Variants in AHNAK2 observed in about 807,000 individuals in gnomAD.
The protein encoded by AHNAK2 is AHNAK nucleoprotein 2, also known as protein AHNAK2.
Under a neutral mutation model 30.7 loss-of-function variants are expected in AHNAK2, and 18 were observed. The ratio of observed to expected loss-of-function variants is 0.59; its 90% CI spans 0.41 to 0.87. The LOEUF is 0.87. Among genes scored for constraint, AHNAK2 ranks in the 40% least tolerant of loss-of-function variants. The pLI is 0.00. For missense variants in AHNAK2, 8,604 were observed against 7,373.0 expected (o/e 1.17, Z -6.11); for synonymous variants, 3,590 against 3,073.8 (o/e 1.17, Z -5.56).
rs371953935 is a variant in AHNAK2 at position 104,941,201 on chromosome 14, C to T, written c.14250G>A (p.Ser4750=). 60 of 1,613,406 alleles carry T rather than the reference C, an allele frequency of 3.7e-5. No homozygotes were observed. In the South Asian group the frequency reaches 4.4e-4, roughly 12 times the overall value. The change falls in exon 7 of 7, where the codon TCG becomes TCA. Residue 4750 remains serine, a synonymous_variant. Transcript: ENST00000333244. The stretch of plus-strand genomic sequence containing the variant: ...TCTGCATGGATGGCTCTGAACAAGC[C>T]GAAACCTGTTGTAATTCAAAACTTG... ...ECSSFELQQV[S]ACSEPSMQMP... is the part of the protein sequence containing the mutation.
At chr14:104,958,687 C>T (rs1242696661) in intron 1 of AHNAK2, among the ~76,000 whole-genome samples, 1 of 151,994 alleles carries the variant, frequency 6.6e-6, no homozygotes, top group African/African-American at 2.4e-5. Context: ...ATTTGAAGAA[C>T]GGGGTCAGGG....
chr14:104,943,033 T>C lies in AHNAK2; in HGVS notation c.12418A>G (p.Met4140Val). 6.2e-7 allele frequency: 1 copy of C among 1,612,622 alleles called. No homozygotes were observed. Among genetic ancestry groups the C allele is most frequent in the Non-Finnish European group, 8.5e-7 (1 of 1,179,372 alleles). Residue 4140 changes from methionine (M) to valine (V), a missense_variant, in exon 7 of 7, where the codon ATG becomes GTG. Physicochemically the swap from Met to Val is conservative, Grantham distance 21. Transcript: ENST00000333244. ...GGGGCCGACACCCCGAATGATGGCA[T>C]CTTGAACTTGGGCATTTTGAACTTG... ...DSKFKMPKFK[M>V]PSFGVSAPGK...
In AHNAK2 at chr14:104,945,572, G is replaced by A. The variant is rs753392912; in HGVS notation, c.9879C>T (p.Asp3293=). The part of the protein sequence containing the change: ...AKLDGARLEG[D]LSLADKDVTA... ...TCACATCCTTGTCGGCCAGGGACAG[G>A]TCCCCCTCCAGCCGTGCACCATCCA... Residue 3293 remains aspartate (D), a synonymous_variant, in exon 7 of 7, where the codon GAC becomes GAT. Transcript: ENST00000333244. The A allele has an allele frequency of 5.0e-6, 8 of 1,609,588 alleles. No individual in the cohort carries two copies. In the Admixed American group the frequency reaches 1.3e-4, roughly 27 times the overall value.
rs778830284 is a variant in AHNAK2 at position 104,941,484 on chromosome 14, A to T, written c.13967T>A (p.Val4656Asp). 1.2e-6 allele frequency: 2 copies of T among 1,612,854 alleles called. No homozygotes were observed. The highest frequency in any genetic ancestry group is 2.7e-5 in the African/African-American group (2 of 74,930). The change falls in exon 7 of 7, where the codon GTT becomes GAT. Residue 4656 changes from valine to aspartate, a missense_variant. Coordinates refer to ENST00000333244, the MANE Select transcript of AHNAK2 (RefSeq NM_138420.4). ...SMSSSEIEGN[V>D]TFHEKTSTFP... is the part of the protein sequence containing the mutation. ...TGTGGAAGTCTTCTCATGGAATGTA[A>T]CATTTCCTTCGATTTCAGAGGAAGA...
Position 104,954,710 on chromosome 14 carries a change from C to T in AHNAK2, c.741G>A (p.Arg247=). 1 of 1,612,934 alleles carries T rather than the reference C, an allele frequency of 6.2e-7. No individual in the cohort carries two copies. The highest frequency in any genetic ancestry group is 8.5e-7 in the Non-Finnish European group (1 of 1,179,608). ...GDQERLISKP[R]VGRGRQSQRE... ...TCTGGCTCTGCCTGCCTCTCCCCAC[C>T]CTTGGTTTGGAGATGAGTCTCTCTT... is the stretch of plus-strand genomic sequence containing the variant. The change falls in exon 7 of 7, where the codon AGG becomes AGA. Residue 247 remains arginine, a synonymous_variant. Coordinates refer to ENST00000333244, the MANE Select transcript of AHNAK2 (RefSeq NM_138420.4). The surrounding 1 kb of genome is among the most constrained non-coding windows in gnomAD (Gnocchi z 4.3).
chr14:104,943,606 G>T lies in AHNAK2; in HGVS notation c.11845C>A (p.Arg3949=), dbSNP rs753027873. 1.2e-6 allele frequency: 2 copies of T among 1,612,918 alleles called. No individual in the cohort carries two copies. Among genetic ancestry groups the T allele is most frequent in the African/African-American group, 2.7e-5 (2 of 74,648 alleles). The change falls in exon 7 of 7, where the codon CGG becomes AGG. Residue 3949 remains arginine, a synonymous_variant. Coordinates refer to ENST00000333244, the MANE Select transcript of AHNAK2 (RefSeq NM_138420.4). ...GCCAGGGACAGGTCCCCCTCCAGCC[G>T]CGCACCATCCAGCTTGGCTCCTGGG... is the stretch of plus-strand genomic sequence containing the variant. ...EAPGAKLDGA[R]LEGDLSLADK... is the part of the protein sequence containing the mutation.
At chr14:104,965,417 A>G (rs567610255) in intron 1 of AHNAK2, among the ~76,000 whole-genome samples, 1,514 of 150,434 alleles carry the variant, frequency 0.01, 12 homozygotes, top group Non-Finnish European at 0.014. Flanking sequence ...AAAAAAAAAA[A>G]AAAAGAAAAG....
intron 1 of AHNAK2, among the ~76,000 whole-genome samples, chr14:104,959,515 T>C (rs1899077216): frequency 6.6e-6 from 1 of 152,132 alleles, no homozygotes; most frequent in African/African-American, 2.4e-5. Flanking sequence ...TGCATGCCTA[T>C]AGTCCCAGCT....
In AHNAK2 at chr14:104,943,004, G is replaced by T. The variant is rs780638014; in HGVS notation, c.12447C>A (p.Gly4149=). 6 of 1,613,228 alleles carry T rather than the reference G, an allele frequency of 3.7e-6. No homozygotes were observed. The East Asian group carries it at 1.1e-4, about 30-fold the overall frequency. ...KMPSFGVSAP[G]KSMEASVDVS... ...CATCCACGGACGCCTCCATGGACTT[G>T]CCTGGGGCCGACACCCCGAATGATG... is the stretch of plus-strand genomic sequence containing the variant. The change falls in exon 7 of 7, where the codon GGC becomes GGA. Residue 4149 remains glycine, a synonymous_variant. Coordinates refer to ENST00000333244, the MANE Select transcript of AHNAK2 (RefSeq NM_138420.4).
In AHNAK2 at chr14:104,945,692, C is replaced by T. The variant is rs775827164; in HGVS notation, c.9759G>A (p.Leu3253=). 1 of 1,600,286 alleles carries T rather than the reference C, an allele frequency of 6.2e-7. No individual in the cohort carries two copies. Among genetic ancestry groups the T allele is most frequent in the Non-Finnish European group, 8.5e-7 (1 of 1,171,976 alleles). The change falls in exon 7 of 7, where the codon CTG becomes CTA. Residue 3253 remains leucine, a synonymous_variant. Coordinates refer to ENST00000333244, the MANE Select transcript of AHNAK2 (RefSeq NM_138420.4). ...GPQIDIKGPK[L]DLKGPKMDVT... ...CATCCATCTTCGGGCCTTTCAGGTCCAGCTTGGGGCCCTTGATGTCTATCT... is the reference window on the plus strand; with the variant it reads ...CATCCATCTTCGGGCCTTTCAGGTCTAGCTTGGGGCCCTTGATGTCTATCT...
rs1455578565 is a variant in AHNAK2, at chr14:104,946,359, G to C, written c.9092C>G (p.Pro3031Arg). The change falls in exon 7 of 7, where the codon CCC becomes CGC. Residue 3031 changes from proline to arginine, a missense_variant. Pro to Arg is a moderately radical substitution (Grantham distance 103). Transcript: ENST00000333244. The part of the protein sequence containing the change: ...LKTTDISIEP[P>R]SAQLEVQAGQ... ...AGCCTGGACCTCCAGTTGGGCAGAG[G>C]GGGGCTCAATGCTGATGTCAGTGGT... The C allele has an allele frequency of 1.4e-5, 23 of 1,612,134 alleles. No homozygotes were observed. The highest frequency in any genetic ancestry group is 3.3e-5 in the South Asian group (3 of 90,976).
intron 1 of AHNAK2, among the ~76,000 whole-genome samples, chr14:104,957,954 T>C (rs1899029052): frequency 1.3e-5 from 2 of 152,182 alleles, no homozygotes; most frequent in African/African-American, 4.8e-5. Flanking sequence ...CGTTTGTTAT[T>C]GTATAACCAC....
chr14:104,944,283 T>C lies in AHNAK2; in HGVS notation c.11168A>G (p.Lys3723Arg), dbSNP rs781211455. Residue 3723 changes from lysine to arginine, a missense_variant, in exon 7 of 7, where the codon AAG becomes AGG. Lys to Arg is a conservative substitution (Grantham distance 26). Transcript: ENST00000333244. ...EGAGLKEHLP[K>R]VEMPSLKMPK... is the part of the protein sequence containing the mutation. Reference sequence around the variant, plus strand: ...CATCTTCAAACTGGGCATCTCCACCTTGGGCAGGTGCTCTTTGAGGCCGGC... The same window carrying C: ...CATCTTCAAACTGGGCATCTCCACCCTGGGCAGGTGCTCTTTGAGGCCGGC... The C allele has an allele frequency of 6.2e-7, 1 of 1,612,840 alleles. No individual in the cohort carries two copies. The highest frequency in any genetic ancestry group is 1.7e-5 in the Admixed American group (1 of 59,928).
intron 1 of AHNAK2, among the ~76,000 whole-genome samples, chr14:104,960,593 T>G (rs1423806190): frequency 6.6e-6 from 1 of 152,110 alleles, no homozygotes; most frequent in Admixed American, 6.5e-5. Context: ...GGACCAAAGT[T>G]TCTATAATTT....
At chr14:104,964,896 TAATA>T in intron 1 of AHNAK2, among the ~76,000 whole-genome samples, 1 of 152,228 alleles carries the variant, frequency 6.6e-6, no homozygotes, top group Non-Finnish European at 1.5e-5. Context: ...AACTTTACAC[TAATA>T]AATCTGAAAA....
In AHNAK2 at chr14:104,966,306, T is replaced by A. The variant is rs1595431649; in HGVS notation, c.56-8634A>T. ...CCCCCAGCAGAGCCACAACCTCCGT[T>A]TCCCCCACCTGCCAAACCAGCCTTG... On this transcript the variant is annotated intron_variant, in intron 1 of 6. Transcript: ENST00000333244. This position sits in a 1 kb window ranked among gnomAD's most constrained non-coding sequence, Gnocchi z 4.3. 6.6e-6 allele frequency among the ~76,000 whole-genome samples: 1 copy of A among 151,804 alleles called. No homozygotes were observed. The highest frequency in any genetic ancestry group is 2.4e-5 in the African/African-American group (1 of 41,282).
Position 104,954,609 on chromosome 14 carries a change from GA to G in AHNAK2, c.841del (p.Ser281ArgfsTer107). 6.2e-7 allele frequency: 1 copy of G among 1,611,706 alleles called. No individual in the cohort carries two copies. Among genetic ancestry groups the G allele is most frequent in the African/African-American group, 1.3e-5 (1 of 74,998 alleles). On this transcript the variant is annotated frameshift_variant, in exon 7 of 7. Coordinates refer to ENST00000333244, the MANE Select transcript of AHNAK2 (RefSeq NM_138420.4). LOFTEE classifies it low-confidence loss of function (END_TRUNC). This position sits in a 1 kb window ranked among gnomAD's most constrained non-coding sequence, Gnocchi z 4.3. ...RGPGPQRSHSSSEAYEPRDAH... is the reference protein window; with the variant it reads ...RGPGPQRSHSXSEAYEPRDAH... ...GTCCCTAGGTTCGTAGGCCTCTGACGAGCTGTGTGACCTCTGGGGTCCCGGC... is the reference window on the plus strand; with the variant it reads ...GTCCCTAGGTTCGTAGGCCTCTGACGGCTGTGTGACCTCTGGGGTCCCGGC...
In AHNAK2 at chr14:104,942,530, C is replaced by T. The variant is rs61191309; in HGVS notation, c.12921G>A (p.Ser4307=). The change falls in exon 7 of 7, where the codon TCG becomes TCA. Residue 4307 remains serine (S), a synonymous_variant. Coordinates refer to ENST00000333244, the MANE Select transcript of AHNAK2 (RefSeq NM_138420.4). ...ACTTGCCTGGGGCAGACACCCCGAA[C>T]GACGGCATCTTGAACTTGGGCATTT... ...KFKMPKFKMP[S]FGVSAPGKSI... The T allele has an allele frequency of 8.0e-4, 1,293 of 1,609,888 alleles. 8 individuals carry two copies. The African/African-American group carries it at 0.013, about 16-fold the overall frequency.
chr14:104,954,863 G>A lies in AHNAK2; in HGVS notation c.652-64C>T, dbSNP rs1898922397. 2.6e-6 allele frequency: 4 copies of A among 1,538,392 alleles called. No homozygotes were observed. Among genetic ancestry groups the A allele is most frequent in the South Asian group, 2.5e-5 (2 of 79,454 alleles). On this transcript the variant is annotated intron_variant, in intron 6 of 6. Transcript: ENST00000333244. The surrounding 1 kb of genome is among the most constrained non-coding windows in gnomAD (Gnocchi z 4.3). ...AAGAAGCCTGGGGCCCTGGCCCAGG[G>A]ACAGATGGAGTGGGAGTGCTATCCC...
Sources: gnomAD v4.1 joint callset for allele counts (sites outside exome capture counted in the v4.1 genomes callset) on GRCh38, gnomAD v4.1.1 for gene constraint, Gnocchi (gnomAD v3.1) non-coding constraint, MANE v1.5 for transcripts, NCBI Gene and HGNC (gene_info 2026-07-23, HGNC 2026-07-21) for gene names.